Variants in SFMBT2 observed in about 807,000 individuals in gnomAD.
SFMBT2 encodes scm-like with four MBT domains protein 2.
In SFMBT2, 38 loss-of-function variants were observed where a neutral mutation model predicts 110.1. The observed-to-expected ratio is 0.35, with a 90% CI of 0.27 to 0.45. SFMBT2 has a LOEUF of 0.45. SFMBT2 is among the 20% of genes least tolerant of loss of function. The probability of loss-of-function intolerance (pLI) is 1.00; values close to 1 mark genes in which losing one functional copy is unlikely to be tolerated. For synonymous variants in SFMBT2, 425 were observed against 425.4 expected (o/e 1.00, Z 0.01); for missense variants, 1,011 against 1,094.9 (o/e 0.92, Z 1.08).
At chr10:7,245,349 T>C (rs1249298623) in intron 8 of SFMBT2, among the ~76,000 whole-genome samples, 1 of 150,224 alleles carries the variant, frequency 6.7e-6, no homozygotes, top group Non-Finnish European at 1.5e-5. Flanking sequence ...ATCTTGCATA[T>C]ATACACATAC....
chr10:7,339,341 T>C (rs1230458594), intron 4 of SFMBT2, among the ~76,000 whole-genome samples: 1 of 152,186 alleles, frequency 6.6e-6, no homozygotes, highest in Non-Finnish European at 1.5e-5. Flanking sequence ...TCACACTTAC[T>C]CAAATCAATT....
intron 1 of SFMBT2, among the ~76,000 whole-genome samples, chr10:7,385,587 C>T (rs555242478): frequency 6.6e-6 from 1 of 152,148 alleles, no homozygotes; most frequent in Non-Finnish European, 1.5e-5. Flanking sequence ...AAACAATGAT[C>T]ATAACAAAAA....
chr10:7,399,307 A>C (rs1000022720), intron 1 of SFMBT2, among the ~76,000 whole-genome samples: 1 of 151,926 alleles, frequency 6.6e-6, no homozygotes, highest in African/African-American at 2.4e-5. Flanking sequence ...ATCTTGGTTC[A>C]CTGCAACCTC....
intron 8 of SFMBT2, chr10:7,246,157 ACGGC>A (rs1840602114): frequency 1.0e-6 from 1 of 984,988 alleles, no homozygotes; most frequent in African/African-American, 1.7e-5. Flanking sequence ...TGTATACGAA[ACGGC>A]ATGACTTATT....
chr10:7,403,616 T>C (rs11255116), intron 1 of SFMBT2, among the ~76,000 whole-genome samples: 3,904 of 152,318 alleles, frequency 0.026, 90 homozygotes, highest in Non-Finnish European at 0.038. Flanking sequence ...CACTCCAGCC[T>C]GGATGACAGA....
intron 20 of SFMBT2, among the ~76,000 whole-genome samples, chr10:7,167,644 G>A (rs1046489126): frequency 3.9e-5 from 6 of 152,080 alleles, no homozygotes; most frequent in African/African-American, 2.4e-5. Flanking sequence ...GCTAAATGAC[G>A]ATGAACCAAT....
chr10:7,171,437 C>T lies in SFMBT2; in HGVS notation c.2416-381G>A. 7 of 985,408 alleles carry T rather than the reference C, an allele frequency of 7.1e-6. No individual in the cohort carries two copies. The highest frequency in any genetic ancestry group is 6.0e-6 in the Non-Finnish European group (5 of 829,916). 61.0% of individuals were successfully genotyped at this position (985,408 alleles called of 1,614,324 possible). A position where few individuals can be genotyped will look rare whatever the true frequency, so the allele number is the denominator to read the frequency against. On this transcript the variant is annotated intron_variant, in intron 19 of 20. Transcript: ENST00000397167. The surrounding 1 kb of genome is among the most constrained non-coding windows in gnomAD (Gnocchi z 4.9). ...CCCCAGTGTTTCTGTAATGGTGGTG[C>T]CAGTGGCCCTTTCTGCTGATCTCAC...
chr10:7,183,266 C>T (rs1838295607), intron 16 of SFMBT2, among the ~76,000 whole-genome samples: 1 of 152,182 alleles, frequency 6.6e-6, no homozygotes, highest in South Asian at 2.1e-4. Flanking sequence ...CTTGCCATCC[C>T]AGCACCTCTG....
At chr10:7,282,285 C>T (rs759194426) in intron 6 of SFMBT2, among the ~76,000 whole-genome samples, 2 of 152,190 alleles carry the variant, frequency 1.3e-5, no homozygotes, top group Non-Finnish European at 2.9e-5. Flanking sequence ...TGTTCCATTC[C>T]TGCTCGTGAG....
At chr10:7,315,102 AAGAAAG>A (rs1842970450) in intron 4 of SFMBT2, among the ~76,000 whole-genome samples, 1 of 144,736 alleles carries the variant, frequency 6.9e-6, no homozygotes, top group Admixed American at 6.8e-5. Flanking sequence ...GAAAGAAAGA[AAGAAAG>A]AAAAAGCAAG....
chr10:7,275,961 C>T (rs181897120), intron 7 of SFMBT2, among the ~76,000 whole-genome samples: 10 of 152,372 alleles, frequency 6.6e-5, no homozygotes, highest in East Asian at 3.9e-4. Context: ...GTCTGCCCGT[C>T]ACAACCACAT....
At chr10:7,334,179 C>T (rs1054987584) in intron 4 of SFMBT2, among the ~76,000 whole-genome samples, 2 of 152,202 alleles carry the variant, frequency 1.3e-5, no homozygotes, top group Admixed American at 6.5e-5. Context: ...CAAGCGTCAT[C>T]CACAGCCGGC....
chr10:7,217,895 T>C (rs1412451516), intron 11 of SFMBT2, among the ~76,000 whole-genome samples: 8 of 152,240 alleles, frequency 5.3e-5, no homozygotes, highest in Admixed American at 2.0e-4. Flanking sequence ...CAGTGGTTTC[T>C]GAGAGCTTAA....
At chr10:7,298,498 T>C (rs1450410376) in intron 4 of SFMBT2, among the ~76,000 whole-genome samples, 1 of 152,188 alleles carries the variant, frequency 6.6e-6, no homozygotes, top group Admixed American at 6.5e-5. Flanking sequence ...TATTGCCTCC[T>C]CTAAACCAAA....
At chr10:7,198,798 T>C (rs1838857937) in intron 14 of SFMBT2, among the ~76,000 whole-genome samples, 1 of 152,070 alleles carries the variant, frequency 6.6e-6, no homozygotes, top group Non-Finnish European at 1.5e-5. Context: ...CCTAGCACTT[T>C]GGGAGGCCGA....
chr10:7,361,143 C>T (rs549065154), intron 4 of SFMBT2, among the ~76,000 whole-genome samples: 11 of 152,170 alleles, frequency 7.2e-5, no homozygotes, highest in Non-Finnish European at 1.5e-4. Flanking sequence ...AGCCTGGGTG[C>T]CCAGTTAGGA....
chr10:7,359,333 T>A (rs1431665990), intron 4 of SFMBT2, among the ~76,000 whole-genome samples: 1 of 152,064 alleles, frequency 6.6e-6, no homozygotes, highest in Non-Finnish European at 1.5e-5. Context: ...AGGGCCAGGA[T>A]CCTTACAAGG....
rs939771906 is a variant in SFMBT2 at position 7,159,371 on chromosome 10, G to A, written c.*4399C>T. The A allele has an allele frequency of 6.6e-6, 1 of 152,014 alleles. No individual in the cohort carries two copies. The highest frequency in any genetic ancestry group is 2.4e-5 in the African/African-American group (1 of 41,388). 9.4% of individuals were successfully genotyped at this position (152,014 alleles called of 1,614,324 possible). On this transcript the variant is annotated 3_prime_UTR_variant, in exon 21 of 21. Transcript: ENST00000397167. ...TTTGATTTTATCATAGTATGTTTGG[G>A]GTATCTGCAAACCATTCTAGTGATA... is the stretch of plus-strand genomic sequence containing the variant.
In SFMBT2 at chr10:7,162,745, T is replaced by C. The variant is rs186617836; in HGVS notation, c.*1025A>G. 6.6e-6 allele frequency: 1 copy of C among 152,260 alleles called. No homozygotes were observed. Among genetic ancestry groups the C allele is most frequent in the African/African-American group, 2.4e-5 (1 of 41,554 alleles). The allele number at this position is 152,260 out of a possible 1,614,324, so 9.4% of individuals were successfully genotyped here. A position where few individuals can be genotyped will look rare whatever the true frequency, so the allele number is the denominator to read the frequency against. ...GATTAAACAACAACACTGGAGATAG[T>C]TGAGGGTCTAGAAAAGACTGGGTAG... On this transcript the variant is annotated 3_prime_UTR_variant, in exon 21 of 21. Transcript: ENST00000397167.
Sources: allele counts gnomAD v4.1 joint callset (sites outside exome capture counted in the v4.1 genomes callset), GRCh38; gene constraint gnomAD v4.1.1; non-coding constraint Gnocchi (gnomAD v3.1); transcripts MANE v1.5; gene names NCBI Gene and HGNC (gene_info 2026-07-23, HGNC 2026-07-21).